Variants in ARL6 observed in about 807,000 individuals in gnomAD.
ARL6 encodes the protein ARF like GTPase 6.
A neutral mutation model predicts 27.1 loss-of-function variants in ARL6; 18 were observed. The observed-to-expected ratio is 0.66, with a 90% confidence interval of 0.46 to 0.98. The LOEUF is 0.98. Ranked by LOEUF, ARL6 falls within the 50% of genes least tolerant of loss-of-function variation. The probability of loss-of-function intolerance (pLI) is 0.00; values close to 1 mark genes in which losing one functional copy is unlikely to be tolerated. For missense variants in ARL6, 187 were observed against 214.9 expected (o/e 0.87, Z 0.81); for synonymous variants, 65 against 72.3 (o/e 0.90, Z 0.51).
At chr3:97,781,056 C>CT (rs2037174035) in intron 4 of ARL6, among the ~76,000 whole-genome samples, 1 of 152,132 alleles carries the variant, frequency 6.6e-6, no homozygotes, top group Admixed American at 6.5e-5. Flanking sequence ...ATTTCTATCT[C>CT]TCTAATCATA....
rs201662985 is a variant in ARL6, at chr3:97,765,907, A to G, written c.-28+930A>G. On this transcript the variant is annotated intron_variant, in intron 1 of 7. Transcript: ENST00000463745. Reference sequence around the variant, plus strand: ...AAAGTCAACTTATGGAAGGAAAATTATAACTACTTGAAACGTAGAAGTTTA... The same window carrying G: ...AAAGTCAACTTATGGAAGGAAAATTGTAACTACTTGAAACGTAGAAGTTTA... 7.2e-5 allele frequency: 11 copies of G among 152,390 alleles called. No homozygotes were observed. The East Asian group carries it at 1.9e-3, about 27-fold the overall frequency. The allele number at this position is 152,390 out of a possible 1,614,324, so 9.4% of individuals were successfully genotyped here. A position where few individuals can be genotyped will look rare whatever the true frequency, so the allele number is the denominator to read the frequency against.
chr3:97,781,832 T>C (rs1044880187), intron 4 of ARL6, among the ~76,000 whole-genome samples: 2 of 152,118 alleles, frequency 1.3e-5, no homozygotes, highest in South Asian at 2.1e-4. Context: ...AACTAAACTC[T>C]CTTTTGTCAT....
In ARL6 at chr3:97,778,737, G is replaced by A. The variant is rs1045616354; in HGVS notation, c.124-1422G>A. Among the ~76,000 whole-genome samples the A allele has an allele frequency of 5.9e-5, 9 of 152,154 alleles. No homozygotes were observed. The South Asian group carries it at 6.2e-4, about 11-fold the overall frequency. On this transcript the variant is annotated intron_variant, in intron 2 of 7. Coordinates refer to ENST00000463745, the MANE Select transcript of ARL6 (RefSeq NM_001278293.3). ...TATCATGATAAGTTTATGAGTAAAGGATAATAATAATATATTTCACATTTG... is the reference window on the plus strand; with the variant it reads ...TATCATGATAAGTTTATGAGTAAAGAATAATAATAATATATTTCACATTTG...
chr3:97,764,645 G>C (rs973342556), upstream of ARL6: 2 of 152,136 alleles, frequency 1.3e-5, no homozygotes, highest in African/African-American at 4.8e-5. Flanking sequence ...ACCTTTTCCC[G>C]GAGCTCTTCA....
chr3:97,782,015 C>T (rs904718237), intron 4 of ARL6, among the ~76,000 whole-genome samples: 1 of 151,526 alleles, frequency 6.6e-6, no homozygotes, highest in Admixed American at 6.6e-5. Flanking sequence ...AAATTGAAGG[C>T]CTATTTAAAT....
chr3:97,779,722 C>G (rs1295459051), intron 2 of ARL6, among the ~76,000 whole-genome samples: 1 of 151,930 alleles, frequency 6.6e-6, no homozygotes, highest in Non-Finnish European at 1.5e-5. Context: ...AAAAATTAGC[C>G]AGGCGTGGTG....
rs144069984 is a variant in ARL6 at position 97,797,559 on chromosome 3, T to C, written c.536-465T>C. 4.3e-4 allele frequency among the ~76,000 whole-genome samples: 65 copies of C among 152,188 alleles called. 1 individual carries two copies. In the South Asian group the frequency reaches 5.6e-3, roughly 13 times the overall value. On this transcript the variant is annotated intron_variant, in intron 7 of 7. Coordinates refer to ENST00000463745, the MANE Select transcript of ARL6 (RefSeq NM_001278293.3). ...CATATTACATTGAAGGAAATGATATTTGAAGAAGTAACAATAAAAGTATAT... is the reference window on the plus strand; with the variant it reads ...CATATTACATTGAAGGAAATGATATCTGAAGAAGTAACAATAAAAGTATAT...
intron 5 of ARL6, 117 bp downstream of exon 5, chr3:97,785,166 T>A: frequency 1.3e-6 from 1 of 741,488 alleles, no homozygotes; most frequent in Non-Finnish European, 2.3e-6. Flanking sequence ...TTTTTGAATT[T>A]AAAACATATA....
In ARL6 at chr3:97,801,131, GCTTT is replaced by G. The variant is rs1332852750; in HGVS notation, c.*3085_*3088del. 3.9e-5 allele frequency: 6 copies of G among 152,068 alleles called. No individual in the cohort carries two copies. Among genetic ancestry groups the G allele is most frequent in the Non-Finnish European group, 8.8e-5 (6 of 68,016 alleles). The allele number at this position is 152,068 out of a possible 1,614,324, so 9.4% of individuals were successfully genotyped here. ...GTAACTGAGTTTGTACCTATTTTCT[GCTTT>G]CTGATTATTTCCTTTGTTCATGAAA... is the stretch of plus-strand genomic sequence containing the variant. On this transcript the variant is annotated 3_prime_UTR_variant, in exon 8 of 8. Transcript: ENST00000463745.
chr3:97,783,777 A>T (rs1186546770), intron 4 of ARL6, among the ~76,000 whole-genome samples: 8 of 151,810 alleles, frequency 5.3e-5, no homozygotes, highest in African/African-American at 1.4e-4. Flanking sequence ...GATTCGCAAA[A>T]AAAAGTACAG....
chr3:97,767,323 A>G (rs1244355948), intron 1 of ARL6, among the ~76,000 whole-genome samples: 1 of 152,170 alleles, frequency 6.6e-6, no homozygotes, highest in Non-Finnish European at 1.5e-5. Flanking sequence ...AGGATGTTTC[A>G]GATAAGTTAC....
intron 5 of ARL6, among the ~76,000 whole-genome samples, chr3:97,785,615 C>A (rs1367060542): frequency 6.6e-6 from 1 of 152,026 alleles, no homozygotes; most frequent in Admixed American, 6.6e-5. Context: ...TCTCAGTTAA[C>A]ACTTAATGAT....
At chr3:97,778,565 T>A (rs2037022234) in intron 2 of ARL6, among the ~76,000 whole-genome samples, 1 of 152,086 alleles carries the variant, frequency 6.6e-6, no homozygotes, top group African/African-American at 2.4e-5. Flanking sequence ...CAAGATGAAC[T>A]GAAGGGAGTT....
At chr3:97,789,427 G>A (rs2037616038) in intron 6 of ARL6, among the ~76,000 whole-genome samples, 1 of 152,124 alleles carries the variant, frequency 6.6e-6, no homozygotes, top group East Asian at 1.9e-4. Flanking sequence ...GATAGAAAGT[G>A]CACGTTTAAA....
At chr3:97,783,842 G>C (rs573891284) in intron 4 of ARL6, among the ~76,000 whole-genome samples, 2 of 151,830 alleles carry the variant, frequency 1.3e-5, no homozygotes, top group Admixed American at 1.3e-4. Flanking sequence ...TAATGAACTA[G>C]ATCAAGATAA....
At chr3:97,795,614 C>G (rs1312986470) in intron 7 of ARL6, among the ~76,000 whole-genome samples, 1 of 152,066 alleles carries the variant, frequency 6.6e-6, no homozygotes, top group African/African-American at 2.4e-5. Context: ...CTTAACAGAC[C>G]TGAGAAAGCT....
intron 2 of ARL6, among the ~76,000 whole-genome samples, chr3:97,777,665 G>A (rs1347957159): frequency 6.6e-6 from 1 of 152,100 alleles, no homozygotes; most frequent in Non-Finnish European, 1.5e-5. Flanking sequence ...GCCATTCCCT[G>A]TCCAATTTTC....
At chr3:97,773,736 A>G (rs1312946073) in intron 2 of ARL6, among the ~76,000 whole-genome samples, 1 of 152,232 alleles carries the variant, frequency 6.6e-6, no homozygotes, top group East Asian at 1.9e-4. Flanking sequence ...GTACACAAAC[A>G]TGTTTTTAAC....
intron 6 of ARL6, 138 bp downstream of exon 6, chr3:97,788,257 T>C: frequency 1.0e-6 from 1 of 961,500 alleles, no homozygotes; most frequent in Non-Finnish European, 1.5e-6. Context: ...TTTTGTAGAA[T>C]TGTGGCATTG....
Sources: allele counts gnomAD v4.1 joint callset (sites outside exome capture counted in the v4.1 genomes callset), GRCh38; gene constraint gnomAD v4.1.1; transcripts MANE v1.5; gene names NCBI Gene and HGNC (gene_info 2026-07-23, HGNC 2026-07-21).